The following NTN1 variants were observed in gnomAD, a reference collection of about 807,000 sequenced individuals.
NTN1 encodes netrin-1.
Under a neutral mutation model 54.2 loss-of-function variants are expected in NTN1, and 11 were observed. The observed-to-expected ratio is 0.20, with a 90% CI of 0.13 to 0.34. The LOEUF is 0.34. Among genes scored for constraint, NTN1 ranks in the 10% least tolerant of loss-of-function variants. NTN1 has a pLI of 1.00. For missense variants in NTN1, 740 were observed against 893.1 expected (o/e 0.83, Z 2.18); for synonymous variants, 371 against 382.0 (o/e 0.97, Z 0.33).
At chr17:9,155,002 C>T (rs1015249261) in intron 2 of NTN1, among the ~76,000 whole-genome samples, 2 of 152,202 alleles carry the variant, frequency 1.3e-5, no homozygotes, top group Non-Finnish European at 2.9e-5. Context: ...TGCACAGGAT[C>T]CCCAGGTGAC....
chr17:9,172,747 C>T (rs1463686116), intron 3 of NTN1: 3 of 152,088 alleles, frequency 2.0e-5, no homozygotes, highest in Non-Finnish European at 4.4e-5. Context: ...AGCGGTGGCT[C>T]ATGCCTGTAA....
intron 6 of NTN1, among the ~76,000 whole-genome samples, chr17:9,233,460 G>A (rs890475819): frequency 2.6e-5 from 4 of 152,006 alleles, no homozygotes; most frequent in African/African-American, 9.7e-5. Context: ...TGCAAGGAGG[G>A]GCATCCGTCA....
intron 2 of NTN1, among the ~76,000 whole-genome samples, chr17:9,117,354 A>AT (rs1404620756): frequency 6.6e-6 from 1 of 152,168 alleles, no homozygotes; most frequent in East Asian, 1.9e-4. Flanking sequence ...AGAATGGCTG[A>AT]TGACACCAGT....
chr17:9,243,734 G>GTTCACTCAGAATTGTAAATGTTTA lies in NTN1; in HGVS notation c.*3767_*3790dup, dbSNP rs1397509914. 1 of 152,180 alleles carries GTTCACTCAGAATTGTAAATGTTTA rather than the reference G, an allele frequency of 6.6e-6. No individual in the cohort carries two copies. Among genetic ancestry groups the GTTCACTCAGAATTGTAAATGTTTA allele is most frequent in the African/African-American group, 2.4e-5 (1 of 41,424 alleles). 9.4% of individuals were successfully genotyped at this position (152,180 alleles called of 1,614,324 possible). ...GCCCCCTCCTGTGTTTTGGATTTCTGTTCACTCAGAATTGTAAATGTTTAG... is the reference window on the plus strand; with the variant it reads ...GCCCCCTCCTGTGTTTTGGATTTCTGTTCACTCAGAATTGTAAATGTTTATTCACTCAGAATTGTAAATGTTTAG... On this transcript the variant is annotated 3_prime_UTR_variant, in exon 7 of 7. Coordinates refer to ENST00000173229, the MANE Select transcript of NTN1 (RefSeq NM_004822.3).
chr17:9,183,195 T>A, intron 5 of NTN1: 2 of 689,468 alleles, frequency 2.9e-6, no homozygotes, highest in African/African-American at 3.6e-5. Flanking sequence ...TAATGATGCC[T>A]CTCTCCCAAG....
intron 2 of NTN1, among the ~76,000 whole-genome samples, chr17:9,059,099 C>T (rs1260688699): frequency 1.3e-5 from 2 of 152,156 alleles, no homozygotes; most frequent in Admixed American, 6.6e-5. Flanking sequence ...AGTAAGCCCT[C>T]TATATTATCA....
intron 5 of NTN1, among the ~76,000 whole-genome samples, chr17:9,192,900 G>A (rs558006396): frequency 1.3e-5 from 2 of 152,158 alleles, no homozygotes; most frequent in East Asian, 3.9e-4. Flanking sequence ...GGCCAACATG[G>A]TGAAACCCCG....
At chr17:9,142,374 T>G (rs75416794) in intron 2 of NTN1, among the ~76,000 whole-genome samples, 5,846 of 151,468 alleles carry the variant, frequency 0.039, 386 homozygotes, top group African/African-American at 0.13. Flanking sequence ...CCAGACAAGA[T>G]GTACAACCTC....
In NTN1 at chr17:9,022,234, C is replaced by A. The variant is rs181652505; in HGVS notation, c.-63-77C>A. The A allele has an allele frequency of 1.8e-3, 1,744 of 956,398 alleles. 25 individuals carry two copies. The African/African-American group carries it at 0.027, about 15-fold the overall frequency. 59.2% of individuals were successfully genotyped at this position (956,398 alleles called of 1,614,324 possible). On this transcript the variant is annotated intron_variant, in intron 1 of 6. Transcript: ENST00000173229. ...GCCCAGGAAGCCGGGCGTTCTCCCG[C>A]ATCTCCGCTCGCCACCCCGCCGAGA...
intron 2 of NTN1, among the ~76,000 whole-genome samples, chr17:9,086,852 C>A (rs1263669810): frequency 6.6e-6 from 1 of 152,096 alleles, no homozygotes; most frequent in Non-Finnish European, 1.5e-5. Flanking sequence ...ATTATTGTCA[C>A]CATCATCATC....
the NTN1 span, among the ~76,000 whole-genome samples, chr17:9,009,214 C>T: frequency 2.0e-5 from 3 of 152,174 alleles, no homozygotes; most frequent in Non-Finnish European, 2.9e-5. Context: ...GGAGTCCTTC[C>T]CCAAGTACCT....
chr17:9,074,940 C>T (rs2092044384), intron 2 of NTN1, among the ~76,000 whole-genome samples: 1 of 152,234 alleles, frequency 6.6e-6, no homozygotes, highest in Non-Finnish European at 1.5e-5. Flanking sequence ...TCCCAACACA[C>T]ACGGGTCTTA....
At chr17:9,179,763 C>T in intron 3 of NTN1, 44 bp from the exon 4 acceptor site, 1 of 1,590,830 alleles carries the variant, frequency 6.3e-7, no homozygotes, top group South Asian at 1.2e-5. Context: ...GATGCACTGG[C>T]CGCTTCCCCC....
In NTN1 at chr17:9,180,317, G is replaced by A. The variant is rs2142317062; in HGVS notation, c.1357+361G>A. ...GCCTCCCAAAGCGCTGGGATTAGAG[G>A]CATGAGCCACCGCGCCTGGCCCATT... On this transcript the variant is annotated intron_variant, in intron 4 of 6. Coordinates refer to ENST00000173229, the MANE Select transcript of NTN1 (RefSeq NM_004822.3). Among the ~76,000 whole-genome samples, 2 of 152,350 alleles carry A rather than the reference G, an allele frequency of 1.3e-5. 1 individual carries two copies. Among genetic ancestry groups the A allele is most frequent in the East Asian group, 3.9e-4 (2 of 5,190 alleles).
At chr17:9,228,852 GACTGTGTATGAGAGTGTGTC>G (rs1257338539) in intron 6 of NTN1, among the ~76,000 whole-genome samples, 2 of 107,370 alleles carry the variant, frequency 1.9e-5, no homozygotes, top group Non-Finnish European at 3.7e-5. Context: ...GTGTGTGTGT[GACTGTGTATGAGAGTGTGTC>G]TGTGTGTGAC....
intron 2 of NTN1, among the ~76,000 whole-genome samples, chr17:9,047,789 G>C (rs2091945599): frequency 6.6e-6 from 1 of 151,898 alleles, no homozygotes; most frequent in African/African-American, 2.4e-5. Context: ...CTGCCTCCTG[G>C]GTTCAAGGGA....
intron 2 of NTN1, among the ~76,000 whole-genome samples, chr17:9,038,266 C>T (rs1454989486): frequency 3.9e-5 from 1 of 25,346 alleles, no homozygotes; most frequent in African/African-American, 1.3e-4. Flanking sequence ...TCTCTCTCTC[C>T]ACACACACAC....
chr17:9,011,840 G>A, the NTN1 span, among the ~76,000 whole-genome samples: 3 of 152,042 alleles, frequency 2.0e-5, no homozygotes, highest in African/African-American at 7.2e-5. Flanking sequence ...CACCCACCTC[G>A]GCCCCCCAGA....
chr17:9,151,144 A>G (rs1054710633), intron 2 of NTN1, among the ~76,000 whole-genome samples: 1 of 152,110 alleles, frequency 6.6e-6, no homozygotes, highest in Admixed American at 6.5e-5. Flanking sequence ...CCAGAAGCCT[A>G]AGAGGGTCTG....
Sources: allele counts gnomAD v4.1 joint callset (sites outside exome capture counted in the v4.1 genomes callset), GRCh38; gene constraint gnomAD v4.1.1; transcripts MANE v1.5; gene names NCBI Gene and HGNC (gene_info 2026-07-23, HGNC 2026-07-21).